RBL2: variants seen among roughly 807,000 people sequenced by gnomAD.
RBL2 encodes the protein retinoblastoma-like protein 2.
In RBL2, 56 loss-of-function variants were observed where a neutral mutation model predicts 126.0. The ratio of observed to expected loss-of-function variants is 0.44; its 90% CI spans 0.36 to 0.56. RBL2 has a LOEUF of 0.56. Ranked by LOEUF, RBL2 falls within the 20% of genes least tolerant of loss-of-function variation. RBL2 has a pLI of 0.00. For missense variants in RBL2, 1,229 were observed against 1,398.2 expected (o/e 0.88, Z 1.93); for synonymous variants, 454 against 478.5 (o/e 0.95, Z 0.67).
rs1275742395 is a variant in RBL2, at chr16:53,454,191, T to A, written c.992+422T>A. The stretch of plus-strand genomic sequence containing the variant: ...TTGGGGATAGCAGGATTACATGTGA[T>A]ACTATCCAGTTTTTGTTTTGTTTTG... On this transcript the variant is annotated intron_variant, in intron 7 of 21. Coordinates refer to ENST00000262133, the MANE Select transcript of RBL2 (RefSeq NM_005611.4). 6.6e-6 allele frequency: 3 copies of A among 451,786 alleles called. No individual in the cohort carries two copies. The Admixed American group carries it at 7.2e-5, about 11-fold the overall frequency. 28.0% of individuals were successfully genotyped at this position (451,786 alleles called of 1,614,324 possible). A position where few individuals can be genotyped will look rare whatever the true frequency, so the allele number is the denominator to read the frequency against.
At chr16:53,446,151 A>G (rs1249328166) in intron 3 of RBL2, among the ~76,000 whole-genome samples, 1 of 152,224 alleles carries the variant, frequency 6.6e-6, no homozygotes, top group Admixed American at 6.5e-5. Context: ...GCTAAAAAAA[A>G]TTGAATTTTA....
chr16:53,484,573 A>C (rs1229789752), intron 21 of RBL2, among the ~76,000 whole-genome samples: 2 of 152,236 alleles, frequency 1.3e-5, no homozygotes, highest in East Asian at 1.9e-4. Flanking sequence ...TAAGTGAAAG[A>C]AGCCAGTCAC....
intron 8 of RBL2, among the ~76,000 whole-genome samples, chr16:53,459,136 G>C (rs1211885488): frequency 6.6e-6 from 1 of 152,204 alleles, no homozygotes; most frequent in Non-Finnish European, 1.5e-5. Context: ...CCGAGCATAA[G>C]TTTTACAAGA....
intron 2 of RBL2, 31 bp downstream of exon 2, chr16:53,439,177 A>C: frequency 6.5e-7 from 1 of 1,539,476 alleles, no homozygotes; most frequent in Non-Finnish European, 8.8e-7. Context: ...CAAGTAGAGT[A>C]TGGCTAATGT....
In RBL2 at chr16:53,462,653, T is replaced by A. The variant is rs761936537; in HGVS notation, c.1558T>A (p.Ser520Thr). 1 of 1,508,762 alleles carries A rather than the reference T, an allele frequency of 6.6e-7. No individual in the cohort carries two copies. The highest frequency in any genetic ancestry group is 2.2e-5 in the Admixed American group (1 of 46,460). The allele number at this position is 1,508,762 out of a possible 1,614,324, so 93.5% of individuals were successfully genotyped here. A position where few individuals can be genotyped will look rare whatever the true frequency, so the allele number is the denominator to read the frequency against. The change falls in exon 11 of 22, where the codon TCT (serine) becomes ACT (threonine). Residue 520 changes from serine to threonine, a missense_variant and splice_region_variant. Physicochemically the swap from Ser to Thr is moderately conservative, Grantham distance 58. Around this residue, in one of 2 missense-constraint regions of RBL2, gnomAD observed 1,070 missense variants for 1,274.3 expected, o/e 0.84. Coordinates refer to ENST00000262133, the MANE Select transcript of RBL2 (RefSeq NM_005611.4). The part of the protein sequence containing the change: ...EQKRLGDMDL[S>T]GILEQDAFHR... ...AAAAAGACTAGGAGACATGGATTTA[T>A]CTGTGAGTAAAATAACCAATGTATT...
At chr16:53,457,639 C>A (rs1257672299) in intron 8 of RBL2, among the ~76,000 whole-genome samples, 1 of 152,078 alleles carries the variant, frequency 6.6e-6, no homozygotes, top group East Asian at 1.9e-4. Context: ...GGACTAAGGA[C>A]AAAGCTCAGG....
Position 53,479,934 on chromosome 16 carries a change from G to C in RBL2, c.2824G>C (p.Gly942Arg). The C allele has an allele frequency of 3.1e-6, 5 of 1,611,952 alleles. No homozygotes were observed. The highest frequency in any genetic ancestry group is 4.2e-6 in the Non-Finnish European group (5 of 1,178,478). ...AGGGAAAAGAAAAAGAAGAAATTCT[G>C]GCAGCAGTGATAGCAGAAGCCATCA... ...IKGKRKRRNS[G>R]SSDSRSHQNS... Residue 942 changes from glycine (G) to arginine (R), a missense_variant, in exon 19 of 22, where the codon GGC (glycine) becomes CGC (arginine). Coordinates refer to ENST00000262133, the MANE Select transcript of RBL2 (RefSeq NM_005611.4).
In RBL2 at chr16:53,453,625, C is replaced by T. The variant is rs1267687188; in HGVS notation, c.927+13C>T. The T allele has an allele frequency of 6.2e-7, 1 of 1,604,560 alleles. No individual in the cohort carries two copies. The highest frequency in any genetic ancestry group is 1.7e-5 in the Admixed American group (1 of 58,820). On this transcript the variant is annotated intron_variant, in intron 6 of 21. Coordinates refer to ENST00000262133, the MANE Select transcript of RBL2 (RefSeq NM_005611.4). ...TTATGAAAAAAAGGTTTGTAAGTAG[C>T]AAAGAAATAACGTGAAAATGTTTTC... is the stretch of plus-strand genomic sequence containing the variant.
intron 18 of RBL2, chr16:53,479,569 C>G: frequency 2.2e-6 from 1 of 456,882 alleles, no homozygotes; most frequent in Non-Finnish European, 3.9e-6. Context: ...TTAAAACCCA[C>G]TTTGCCTTTA....
At chr16:53,448,264 C>G (rs2058082616) in intron 4 of RBL2, among the ~76,000 whole-genome samples, 1 of 150,768 alleles carries the variant, frequency 6.6e-6, no homozygotes. Context: ...TTCAAGCAAT[C>G]TCCTGCCTCA....
intron 3 of RBL2, chr16:53,445,767 A>C (rs546272248): frequency 6.6e-6 from 1 of 152,390 alleles, no homozygotes; most frequent in African/African-American, 2.4e-5. Context: ...CAAACCCCAC[A>C]GTCTCTGTCT....
chr16:53,463,189 A>T (rs564659664), intron 11 of RBL2, among the ~76,000 whole-genome samples: 2 of 152,178 alleles, frequency 1.3e-5, no homozygotes, highest in Non-Finnish European at 2.9e-5. Context: ...AAAAAATAAT[A>T]ATTATTGACA....
At chr16:53,477,304 G>T (rs1960763056) in intron 17 of RBL2, among the ~76,000 whole-genome samples, 1 of 152,084 alleles carries the variant, frequency 6.6e-6, no homozygotes, top group African/African-American at 2.4e-5. Flanking sequence ...TAAAACTTTT[G>T]CTCTAGTAAC....
In RBL2 at chr16:53,434,641, G is replaced by GTT. The variant is rs2057936545; in HGVS notation, c.85_86insTT (p.Gly29ValfsTer46). 1.3e-6 allele frequency: 2 copies of GTT among 1,564,580 alleles called. No individual in the cohort carries two copies. The highest frequency in any genetic ancestry group is 2.7e-5 in the African/African-American group (2 of 73,414). The stretch of plus-strand genomic sequence containing the variant: ...CTCGGATGAGGAGGAGGAGGACGAC[G>GTT]GCGAGGCGGAAGACGCCGCGCCGCC... On this transcript the variant is annotated frameshift_variant, in exon 1 of 22. Transcript: ENST00000262133. LOFTEE classifies it high-confidence loss of function.
At position 53,470,819 on chromosome 16, in the gene RBL2, A is replaced by G; in HGVS notation, c.2600A>G (p.Lys867Arg). The G allele has an allele frequency of 6.2e-7, 1 of 1,614,202 alleles. No individual in the cohort carries two copies. The highest frequency in any genetic ancestry group is 1.1e-5 in the South Asian group (1 of 91,082). ...KLDISDELRKKIWTCFEFSII... is the reference protein window; with the variant it reads ...KLDISDELRKRIWTCFEFSII... ...GATATTTCAGATGAATTGAGGAAAA[A>G]AATCTGGACCTGCTTTGAATTCTCC... Residue 867 changes from lysine (K) to arginine (R), a missense_variant, in exon 17 of 22, where the codon AAA becomes AGA. This residue lies in a region of RBL2 where 1,070 missense variants were observed against 1,274.3 expected (regional missense o/e 0.84). Transcript: ENST00000262133.
chr16:53,488,154 A>G (rs897781771), intron 21 of RBL2: 2 of 152,264 alleles, frequency 1.3e-5, no homozygotes, highest in Non-Finnish European at 2.9e-5. Flanking sequence ...AAACAACCCA[A>G]ACGTCCTTCA....
chr16:53,482,608 A>AC (rs1960998624), intron 21 of RBL2, among the ~76,000 whole-genome samples: 1 of 152,136 alleles, frequency 6.6e-6, no homozygotes, highest in Non-Finnish European at 1.5e-5. Context: ...TCAGGAGTTC[A>AC]AGACCAGCCT....
chr16:53,486,287 T>A (rs1000710046), intron 21 of RBL2, among the ~76,000 whole-genome samples: 2 of 152,028 alleles, frequency 1.3e-5, no homozygotes, highest in Admixed American at 1.3e-4. Context: ...GGCAACAGAG[T>A]GAGACCCTGT....
rs144154569 is a variant in RBL2, at chr16:53,480,305, A to C, written c.2882-262A>C. 1.5e-3 allele frequency: 781 copies of C among 536,806 alleles called. 4 individuals are homozygous for C. The highest frequency in any genetic ancestry group is 0.011 in the Middle Eastern group (23 of 2,054). The allele number at this position is 536,806 out of a possible 1,614,324, so 33.3% of individuals were successfully genotyped here. On this transcript the variant is annotated intron_variant, in intron 19 of 21. Transcript: ENST00000262133. ...CATCCCCTGCCTGTTGCTTTGTACC[A>C]CTTAGTACAGGGCTTAGGTCCTAGA...
Sources: allele counts gnomAD v4.1 joint callset (sites outside exome capture counted in the v4.1 genomes callset), GRCh38; gene constraint gnomAD v4.1.1; regional missense constraint gnomAD v4.1.1; transcripts MANE v1.5; gene names NCBI Gene and HGNC (gene_info 2026-07-23, HGNC 2026-07-21).